Variants in GRM1 observed in about 807,000 individuals in gnomAD.
GRM1 encodes glutamate metabotropic receptor 1.
GRM1 carries 33 observed loss-of-function variants against 90.9 expected under a neutral mutation model. The ratio of observed to expected loss-of-function variants is 0.36; its 90% confidence interval spans 0.28 to 0.49. The LOEUF (loss-of-function observed/expected upper bound fraction) is 0.49. Among genes scored for constraint, GRM1 ranks in the 20% least tolerant of loss-of-function variants. GRM1 has a pLI of 0.99. For synonymous variants in GRM1, 700 were observed against 613.2 expected (o/e 1.14, Z -2.09); for missense variants, 1,190 against 1,534.3 (o/e 0.78, Z 3.75).
intron 1 of GRM1, among the ~76,000 whole-genome samples, chr6:146,043,782 G>GATATATACATATATAT (rs1554260502): frequency 3.3e-5 from 3 of 89,984 alleles, no homozygotes; most frequent in African/African-American, 1.0e-4. Context: ...AGAGTCAGGT[G>GATATATACATATATAT]ATATATATAT....
chr6:146,029,446 G>T lies in GRM1; in HGVS notation c.-72G>T. The T allele has an allele frequency of 8.2e-7, 1 of 1,225,042 alleles. No homozygotes were observed. The highest frequency in any genetic ancestry group is 1.2e-5 in the South Asian group (1 of 82,950). The allele number at this position is 1,225,042 out of a possible 1,614,324, so 75.9% of individuals were successfully genotyped here. On this transcript the variant is annotated 5_prime_UTR_variant, in exon 1 of 8. Transcript: ENST00000282753. ...AGGCGGCGCTGGGCGTCTTGGGGGT[G>T]CGCGCCGGGAGCCTGCAGCGGGACC...
chr6:146,428,741 C>T (rs1282936685), intron 7 of GRM1, among the ~76,000 whole-genome samples: 1 of 152,042 alleles, frequency 6.6e-6, no homozygotes, highest in Non-Finnish European at 1.5e-5. Context: ...CTTAAATAGA[C>T]TTTGGTAGGA....
At chr6:146,168,515 T>G (rs1376324939) in intron 2 of GRM1, among the ~76,000 whole-genome samples, 1 of 152,052 alleles carries the variant, frequency 6.6e-6, no homozygotes, top group African/African-American at 2.4e-5. Flanking sequence ...AATTAGCTTC[T>G]ATATTTACCC....
At chr6:146,214,534 C>G (rs1003556317) in intron 2 of GRM1, among the ~76,000 whole-genome samples, 1 of 151,838 alleles carries the variant, frequency 6.6e-6, no homozygotes, top group Non-Finnish European at 1.5e-5. Flanking sequence ...CAGGTGGGAG[C>G]TATTACAAAG....
At chr6:146,240,637 G>A (rs1196062340) in intron 2 of GRM1, among the ~76,000 whole-genome samples, 1 of 152,084 alleles carries the variant, frequency 6.6e-6, no homozygotes, top group African/African-American at 2.4e-5. Context: ...AATTCTAAGG[G>A]TCAATCTTTG....
chr6:146,405,459 C>T (rs1353918020), intron 7 of GRM1, among the ~76,000 whole-genome samples: 2 of 152,116 alleles, frequency 1.3e-5, no homozygotes, highest in African/African-American at 4.8e-5. Context: ...TTAATGCGCT[C>T]AGGTTGTCAA....
At chr6:146,430,344 C>G (rs1778363953) in intron 7 of GRM1, among the ~76,000 whole-genome samples, 2 of 152,176 alleles carry the variant, frequency 1.3e-5, no homozygotes, top group South Asian at 4.1e-4. Context: ...TCCTGTAGGC[C>G]TAACAGTGTT....
intron 2 of GRM1, among the ~76,000 whole-genome samples, chr6:146,199,864 A>C (rs1196156922): frequency 6.6e-6 from 1 of 152,158 alleles, no homozygotes; most frequent in Non-Finnish European, 1.5e-5. Flanking sequence ...CTAAAAATAC[A>C]AAATTAGCTG....
At position 146,237,072 on chromosome 6, in the gene GRM1, T is replaced by C. The variant is rs534110276; in HGVS notation, c.951-67539T>C. 2.6e-5 allele frequency among the ~76,000 whole-genome samples: 4 copies of C among 152,264 alleles called. No individual in the cohort carries two copies. The South Asian group carries it at 8.3e-4, about 32-fold the overall frequency. On this transcript the variant is annotated intron_variant, in intron 2 of 7. Coordinates refer to ENST00000282753, the MANE Select transcript of GRM1 (RefSeq NM_001278064.2). ...GCATCTGCCTTGGCTCATCAGAGGC[T>C]AGTGTGCTCTTTAGAAACACTTGTT... is the stretch of plus-strand genomic sequence containing the variant.
intron 3 of GRM1, among the ~76,000 whole-genome samples, chr6:146,334,254 G>T (rs1224568773): frequency 6.6e-6 from 1 of 152,156 alleles, no homozygotes; most frequent in Non-Finnish European, 1.5e-5. Flanking sequence ...TCTGCCTCTG[G>T]ACTAGATGTC....
chr6:146,315,008 T>G (rs1452672488), intron 3 of GRM1, among the ~76,000 whole-genome samples: 2 of 152,174 alleles, frequency 1.3e-5, no homozygotes, highest in African/African-American at 4.8e-5. Context: ...GAGATTGCCT[T>G]GTATAATCAA....
chr6:146,124,907 A>T (rs1051876092), intron 1 of GRM1, among the ~76,000 whole-genome samples: 1 of 152,142 alleles, frequency 6.6e-6, no homozygotes, highest in Admixed American at 6.6e-5. Flanking sequence ...AAATATGAAA[A>T]TTTTTAAAAT....
At chr6:146,352,945 A>G (rs1785459466) in intron 4 of GRM1, among the ~76,000 whole-genome samples, 1 of 152,196 alleles carries the variant, frequency 6.6e-6, no homozygotes, top group East Asian at 1.9e-4. Flanking sequence ...TGCAAAGAGA[A>G]CTAAGTCCTG....
intron 1 of GRM1, among the ~76,000 whole-genome samples, chr6:146,042,925 C>T (rs531265177): frequency 2.0e-5 from 3 of 152,082 alleles, no homozygotes; most frequent in Admixed American, 2.0e-4. Flanking sequence ...TTATCCAGAT[C>T]CTCTCAAAGG....
At chr6:146,209,049 T>A (rs1779588718) in intron 2 of GRM1, among the ~76,000 whole-genome samples, 1 of 152,142 alleles carries the variant, frequency 6.6e-6, no homozygotes, top group East Asian at 1.9e-4. Flanking sequence ...ACTCTATTCC[T>A]GACAGCAAAC....
chr6:146,338,075 C>A (rs1051726951), intron 3 of GRM1, among the ~76,000 whole-genome samples: 1 of 152,118 alleles, frequency 6.6e-6, no homozygotes, highest in Non-Finnish European at 1.5e-5. Context: ...GCAAATGATT[C>A]ATACCAAGGA....
chr6:146,213,729 T>TAGATAGATAGATAGATAGAGAGATAGAG (rs1554281931), intron 2 of GRM1, among the ~76,000 whole-genome samples: 2 of 151,916 alleles, frequency 1.3e-5, no homozygotes, highest in African/African-American at 4.8e-5. Context: ...GATAGATAGA[T>TAGATAGATAGATAGATAGAGAGATAGAG]AGATAGATGG....
intron 2 of GRM1, among the ~76,000 whole-genome samples, chr6:146,271,587 G>A (rs1782165526): frequency 6.6e-6 from 1 of 152,156 alleles, no homozygotes; most frequent in Non-Finnish European, 1.5e-5. Context: ...ATTCCAACTC[G>A]AGTTCTAAGT....
intron 2 of GRM1, among the ~76,000 whole-genome samples, chr6:146,250,514 C>T (rs1263431446): frequency 6.6e-6 from 1 of 152,154 alleles, no homozygotes; most frequent in African/African-American, 2.4e-5. Context: ...TTCCTCTTTG[C>T]CTTCCACCAT....
Sources: allele counts gnomAD v4.1 joint callset (sites outside exome capture counted in the v4.1 genomes callset), GRCh38; gene constraint gnomAD v4.1.1; transcripts MANE v1.5; gene names NCBI Gene and HGNC (gene_info 2026-07-23, HGNC 2026-07-21).